SH3GLB2: variants seen among roughly 807,000 people sequenced by gnomAD.
SH3GLB2 encodes the protein endophilin-B2.
In SH3GLB2, 24 loss-of-function variants were observed where a neutral mutation model predicts 48.0. The observed-to-expected ratio is 0.50, with a 90% CI of 0.36 to 0.70. The LOEUF is 0.70. SH3GLB2 is among the 30% of genes least tolerant of loss of function. SH3GLB2 has a pLI of 0.00. For synonymous variants in SH3GLB2, 227 were observed against 207.6 expected, an observed-to-expected ratio of 1.09 and a Z score of -0.80; for missense variants, 425 against 516.0, an observed-to-expected ratio of 0.82 and a Z score of 1.71.
chr9:129,014,964 A>G lies in SH3GLB2; in HGVS notation c.335-60T>C. 1.3e-6 allele frequency: 2 copies of G among 1,572,606 alleles called. No homozygotes were observed. The highest frequency in any genetic ancestry group is 8.6e-7 in the Non-Finnish European group (1 of 1,160,008). The stretch of plus-strand genomic sequence containing the variant: ...TCAGGCTCAGGCTACTCTGATCTAC[A>G]GGAGAGGGCTCAGGAAGAGCTTGCT... On this transcript the variant is annotated intron_variant, in intron 3 of 10. Coordinates refer to ENST00000372564, the MANE Select transcript of SH3GLB2 (RefSeq NM_020145.4). The surrounding 1 kb of genome is among the most constrained non-coding windows in gnomAD (Gnocchi z 4.1).
intron 3 of SH3GLB2, among the ~76,000 whole-genome samples, chr9:129,017,809 A>G (rs1208131791): frequency 6.6e-6 from 1 of 151,328 alleles, no homozygotes; most frequent in African/African-American, 2.4e-5. Context: ...GAGGCAGGAG[A>G]ATGGCATGAA....
rs1842876589 is a variant in SH3GLB2 at position 129,008,271 on chromosome 9, G to C, written c.*413C>G. The C allele has an allele frequency of 4.7e-6, 1 of 213,420 alleles. No individual in the cohort carries two copies. The highest frequency in any genetic ancestry group is 6.8e-5 in the South Asian group (1 of 14,772). The allele number at this position is 213,420 out of a possible 1,614,324, so 13.2% of individuals were successfully genotyped here. On this transcript the variant is annotated 3_prime_UTR_variant, in exon 11 of 11. Coordinates refer to ENST00000372564, the MANE Select transcript of SH3GLB2 (RefSeq NM_020145.4). Reference sequence around the variant, plus strand: ...AGTCCCCAGGGGCTGCCAGAGCCCTGTGTGCCTTGCCGCATTCCCCTGATG... The same window carrying C: ...AGTCCCCAGGGGCTGCCAGAGCCCTCTGTGCCTTGCCGCATTCCCCTGATG...
At position 129,011,976 on chromosome 9, in the gene SH3GLB2, G is replaced by T; in HGVS notation, c.624+260C>A. The T allele has an allele frequency of 2.6e-6, 1 of 382,128 alleles. No homozygotes were observed. The highest frequency in any genetic ancestry group is 4.6e-6 in the Non-Finnish European group (1 of 215,690). 23.7% of individuals were successfully genotyped at this position (382,128 alleles called of 1,614,324 possible). A position where few individuals can be genotyped will look rare whatever the true frequency, so the allele number is the denominator to read the frequency against. ...CGCCCTGAGTTCTCCACACTACTCA[G>T]TGTGGCTGGCCCTGCCGCCAGCTCC... On this transcript the variant is annotated intron_variant, in intron 6 of 10. Coordinates refer to ENST00000372564, the MANE Select transcript of SH3GLB2 (RefSeq NM_020145.4). The surrounding 1 kb of genome is among the most constrained non-coding windows in gnomAD (Gnocchi z 4.5).
intron 3 of SH3GLB2, among the ~76,000 whole-genome samples, chr9:129,016,342 T>TAAAAAA (rs57505648): frequency 5.9e-5 from 2 of 34,100 alleles, no homozygotes; most frequent in East Asian, 7.6e-4. Flanking sequence ...AGACTGTCTT[T>TAAAAAA]AAAAAAAAAA....
intron 5 of SH3GLB2, chr9:129,013,278 C>T (rs1254852303): frequency 1.9e-6 from 1 of 524,558 alleles, no homozygotes; most frequent in Admixed American, 3.2e-5. Context: ...GTGGCCTGGC[C>T]CAACCCCAGG....
At chr9:129,018,660 G>C (rs539949437) in intron 3 of SH3GLB2, among the ~76,000 whole-genome samples, 1 of 144,188 alleles carries the variant, frequency 6.9e-6, no homozygotes, top group East Asian at 2.1e-4. Context: ...TTGGGAGGCC[G>C]AGGCGGGTGG....
chr9:129,013,911 G>T, intron 5 of SH3GLB2: 3 of 392,826 alleles, frequency 7.6e-6, no homozygotes, highest in Non-Finnish European at 1.5e-5. Flanking sequence ...GGGGGCGCCA[G>T]ATGGCCCAGG....
rs1262018070 is a variant in SH3GLB2 at position 129,023,952 on chromosome 9, C to T, written c.64-1529G>A. ...TCACCCAGTCCTTTGAGGGGGGTGG[C>T]GTTCACCCCATTTCCCAAATGAGGA... On this transcript the variant is annotated intron_variant, in intron 1 of 10. Coordinates refer to ENST00000372564, the MANE Select transcript of SH3GLB2 (RefSeq NM_020145.4). Among the ~76,000 whole-genome samples, 5 of 152,110 alleles carry T rather than the reference C, an allele frequency of 3.3e-5. 1 individual carries two copies. The highest frequency in any genetic ancestry group is 1.3e-4 in the Admixed American group (2 of 15,260).
At chr9:129,009,918 A>G (rs1261398134) in intron 8 of SH3GLB2, 47 bp from the exon 9 acceptor site, 1 of 1,568,734 alleles carries the variant, frequency 6.4e-7, no homozygotes, top group East Asian at 2.3e-5. Flanking sequence ...CCGCCCTCAG[A>G]ACAAAAAATT....
At chr9:129,013,078 C>T (rs936368820) in intron 5 of SH3GLB2, 1 of 1,548,380 alleles carries the variant, frequency 6.5e-7, no homozygotes, top group Non-Finnish European at 8.7e-7. Flanking sequence ...TTAGTGAGTC[C>T]ACAGCGCAGG....
intron 2 of SH3GLB2, among the ~76,000 whole-genome samples, chr9:129,021,995 C>T (rs1487727436): frequency 6.6e-6 from 1 of 151,660 alleles, no homozygotes; most frequent in African/African-American, 2.4e-5. Context: ...AGTGACCAAC[C>T]AGGTGTGTGT....
At chr9:129,013,045 C>T (rs149440832) in intron 5 of SH3GLB2, 71 of 1,551,134 alleles carry the variant, frequency 4.6e-5, no homozygotes, top group East Asian at 2.7e-4. Context: ...CAAAGCAGGA[C>T]GGAAAGGAAC....
intron 5 of SH3GLB2, chr9:129,012,844 T>G (rs1843203365): frequency 1.3e-6 from 1 of 798,844 alleles, no homozygotes; most frequent in African/African-American, 1.7e-5. Flanking sequence ...CCCCAACGCC[T>G]GGCATCCCCC....
At chr9:129,021,555 AC>A (rs1443836873) in intron 2 of SH3GLB2, among the ~76,000 whole-genome samples, 1 of 151,528 alleles carries the variant, frequency 6.6e-6, no homozygotes, top group East Asian at 1.9e-4. Context: ...ACCCGGAGCC[AC>A]CCTCCTTTCC....
intron 1 of SH3GLB2, 50 bp from the exon 2 acceptor site, chr9:129,022,473 A>AGGG: frequency 1.6e-6 from 1 of 626,832 alleles, no homozygotes; most frequent in Non-Finnish European, 2.5e-6. Context: ...GCTCAGAAGG[A>AGGG]GGTGGGGGAG....
Position 129,014,893 on chromosome 9 carries a change from T to C in SH3GLB2, c.346A>G (p.Ile116Val). ...TGCTTTTCAGCTTCTGCCACCTTGA[T>C]CAGTGTCTTCCCTGAGAAAACAGAG... is the stretch of plus-strand genomic sequence containing the variant. Reference protein sequence around the residue: ...GPTTPYGKTLIKVAEAEKQLG... With the variant: ...GPTTPYGKTLVKVAEAEKQLG... Residue 116 changes from isoleucine (I) to valine (V), a missense_variant, in exon 4 of 11, where the codon ATC (isoleucine) becomes GTC (valine). Coordinates refer to ENST00000372564, the MANE Select transcript of SH3GLB2 (RefSeq NM_020145.4). The surrounding 1 kb of genome is among the most constrained non-coding windows in gnomAD (Gnocchi z 4.1). 1 of 1,613,832 alleles carries C rather than the reference T, an allele frequency of 6.2e-7. No homozygotes were observed. The highest frequency in any genetic ancestry group is 8.5e-7 in the Non-Finnish European group (1 of 1,179,902).
chr9:129,013,196 G>A, intron 5 of SH3GLB2: 1 of 660,242 alleles, frequency 1.5e-6, no homozygotes, highest in South Asian at 1.8e-5. Context: ...CGTGCTTATG[G>A]GGACAGAGCT....
At position 129,012,269 on chromosome 9, in the gene SH3GLB2, AGGT is replaced by A; in HGVS notation, c.588_590del (p.Arg196_Pro197delinsSer). ...CGCTGGCCGAGAGAATGTAATTACG[AGGT>A]CTAGTCTCCTGAAAGTCAGGCACCG... is the stretch of plus-strand genomic sequence containing the variant. On this transcript the variant is annotated inframe_deletion, in exon 6 of 11. Transcript: ENST00000372564. 2 of 1,301,916 alleles carry A rather than the reference AGGT, an allele frequency of 1.5e-6. No homozygotes were observed. Among genetic ancestry groups the A allele is most frequent in the Non-Finnish European group, 2.0e-6 (2 of 1,017,798 alleles). The allele number at this position is 1,301,916 out of a possible 1,614,324, so 80.6% of individuals were successfully genotyped here. A position where few individuals can be genotyped will look rare whatever the true frequency, so the allele number is the denominator to read the frequency against.
rs375416433 is a variant in SH3GLB2, at chr9:129,010,117, C to T, written c.738+3G>A. On this transcript the variant is annotated splice_donor_region_variant and intron_variant, in intron 8 of 10. Coordinates refer to ENST00000372564, the MANE Select transcript of SH3GLB2 (RefSeq NM_020145.4). ...TTTAGTGAGGGTGGGCAGTGGGACT[C>T]ACGTGAGTGCTACTGATTCCCTCCA... is the stretch of plus-strand genomic sequence containing the variant. The T allele has an allele frequency of 6.2e-7, 1 of 1,613,430 alleles. No individual in the cohort carries two copies. The highest frequency in any genetic ancestry group is 1.3e-5 in the African/African-American group (1 of 74,882).
Sources: gnomAD v4.1 joint callset for allele counts (sites outside exome capture counted in the v4.1 genomes callset) on GRCh38, gnomAD v4.1.1 for gene constraint, Gnocchi (gnomAD v3.1) non-coding constraint, MANE v1.5 for transcripts, NCBI Gene and HGNC (gene_info 2026-07-23, HGNC 2026-07-21) for gene names.